The following GLIS3 variants were observed in gnomAD, a reference collection of about 807,000 sequenced individuals.
GLIS3 encodes zinc finger protein GLIS3.
In GLIS3, 53 loss-of-function variants were observed where a neutral mutation model predicts 78.6. The observed-to-expected ratio is 0.67, with a 90% CI of 0.54 to 0.85. The LOEUF is 0.85. Among genes scored for constraint, GLIS3 ranks in the 40% least tolerant of loss-of-function variants. The pLI is 0.00. For synonymous variants in GLIS3, 684 were observed against 509.9 expected (o/e 1.34, Z -4.60); for missense variants, 1,703 against 1,231.1 (o/e 1.38, Z -5.74).
At chr9:4,334,921 TTTTTTG>T (rs1483359407) in intron 2 of GLIS3, among the ~76,000 whole-genome samples, 6 of 148,980 alleles carry the variant, frequency 4.0e-5, no homozygotes, top group Admixed American at 6.7e-5. Flanking sequence ...TTTTTTTTTT[TTTTTTG>T]AAACGGAGTC....
the GLIS3 span, among the ~76,000 whole-genome samples, chr9:4,480,938 C>T: frequency 2.4e-4 from 37 of 151,710 alleles, no homozygotes; most frequent in Non-Finnish European, 2.8e-4. Context: ...ACTGGAGGTC[C>T]GGACCTCGGG....
In GLIS3 at chr9:3,942,670, C is replaced by A. The variant is rs1272642184; in HGVS notation, c.1711-5481G>T. ...GAAGCTTCTTTCTAGAGCAGGCTTC[C>A]CAGCTTCACCTAGGAGACTCGTTAA... On this transcript the variant is annotated intron_variant, in intron 4 of 10. Transcript: ENST00000381971. Among the ~76,000 whole-genome samples the A allele has an allele frequency of 2.6e-5, 4 of 152,194 alleles. No individual in the cohort carries two copies. In the East Asian group the frequency reaches 7.7e-4, roughly 29 times the overall value.
chr9:4,085,370 A>G (rs1457957785), intron 4 of GLIS3, among the ~76,000 whole-genome samples: 1 of 151,702 alleles, frequency 6.6e-6, no homozygotes, highest in Non-Finnish European at 1.5e-5. Context: ...TTCTCTCCAG[A>G]TTGCTGGTGT....
At chr9:4,313,799 C>T (rs1038788219) in intron 2 of GLIS3, among the ~76,000 whole-genome samples, 1 of 152,208 alleles carries the variant, frequency 6.6e-6, no homozygotes, top group Non-Finnish European at 1.5e-5. Flanking sequence ...CGTGGACTTC[C>T]TCTCCCTTGC....
chr9:4,102,390 T>C (rs895953699), intron 4 of GLIS3, among the ~76,000 whole-genome samples: 3 of 152,186 alleles, frequency 2.0e-5, no homozygotes, highest in Non-Finnish European at 4.4e-5. Context: ...AATCTCAGAA[T>C]AACGGCCCTG....
At chr9:4,468,246 C>A in the GLIS3 span, among the ~76,000 whole-genome samples, 1 of 152,180 alleles carries the variant, frequency 6.6e-6, no homozygotes, top group South Asian at 2.1e-4. Context: ...CCCAACCTAG[C>A]AAGGCTGACC....
intron 8 of GLIS3, among the ~76,000 whole-genome samples, chr9:3,859,382 CACACACACACACACACACAT>C (rs1588102505): frequency 9.8e-5 from 3 of 30,516 alleles, no homozygotes; most frequent in Middle Eastern, 0.016. Flanking sequence ...CACACACACA[CACACACACACACACACACAT>C]CAAAATGAAT....
chr9:3,904,221 G>A (rs1412137825), intron 6 of GLIS3, among the ~76,000 whole-genome samples: 2 of 152,060 alleles, frequency 1.3e-5, no homozygotes, highest in East Asian at 3.8e-4. Flanking sequence ...CTCTTGATGG[G>A]CTTAACATCT....
At chr9:4,297,971 C>A (rs534744082) in intron 1 of GLIS3, among the ~76,000 whole-genome samples, 275 of 152,262 alleles carry the variant, frequency 1.8e-3, no homozygotes, top group African/African-American at 6.2e-3. Flanking sequence ...GCGACAGCGC[C>A]CGGCGGGGTA....
chr9:4,255,345 G>GT (rs1199352701), intron 2 of GLIS3, among the ~76,000 whole-genome samples: 1 of 152,168 alleles, frequency 6.6e-6, no homozygotes, highest in Admixed American at 6.6e-5. Context: ...ATATGTCCCA[G>GT]TGACTGTGCT....
chr9:4,052,880 C>A (rs1825838968), intron 4 of GLIS3, among the ~76,000 whole-genome samples: 1 of 152,140 alleles, frequency 6.6e-6, no homozygotes, highest in Non-Finnish European at 1.5e-5. Flanking sequence ...TTCTGTTTAA[C>A]CTATGGAGGA....
chr9:4,259,367 G>A (rs889337118), intron 2 of GLIS3, among the ~76,000 whole-genome samples: 3 of 151,934 alleles, frequency 2.0e-5, no homozygotes, highest in Non-Finnish European at 4.4e-5. Flanking sequence ...TTACATATGG[G>A]GGATTGAAAA....
chr9:4,486,250 C>A, the GLIS3 span, among the ~76,000 whole-genome samples: 17 of 152,258 alleles, frequency 1.1e-4, no homozygotes, highest in South Asian at 8.3e-4. Flanking sequence ...TCTGACTTCC[C>A]CTGCCACCGT....
chr9:4,363,261 A>G, the GLIS3 span, among the ~76,000 whole-genome samples: 1 of 152,138 alleles, frequency 6.6e-6, no homozygotes, highest in African/African-American at 2.4e-5. Context: ...CGTCTCTACT[A>G]AAAATACAAA....
chr9:3,952,937 T>A (rs1816800900), intron 4 of GLIS3, among the ~76,000 whole-genome samples: 2 of 152,180 alleles, frequency 1.3e-5, no homozygotes, highest in Non-Finnish European at 2.9e-5. Context: ...CCAGCCCAGC[T>A]TTTCCCTTAT....
At chr9:3,850,696 A>T (rs1819372785) in intron 9 of GLIS3, among the ~76,000 whole-genome samples, 1 of 151,770 alleles carries the variant, frequency 6.6e-6, no homozygotes, top group Non-Finnish European at 1.5e-5. Context: ...ATGGCACAAA[A>T]CCCTTCGTGA....
chr9:3,839,446 C>G (rs1818580804), intron 9 of GLIS3, among the ~76,000 whole-genome samples: 1 of 152,102 alleles, frequency 6.6e-6, no homozygotes, highest in Non-Finnish European at 1.5e-5. Flanking sequence ...ACCAACCACT[C>G]AGAATTCTGT....
intron 4 of GLIS3, among the ~76,000 whole-genome samples, chr9:4,080,374 T>C (rs1161555361): frequency 6.6e-6 from 1 of 151,900 alleles, no homozygotes; most frequent in African/African-American, 2.4e-5. Context: ...CTCCAAAAAC[T>C]CAGTAATCAG....
At chr9:4,181,394 G>T (rs1296807863) in intron 2 of GLIS3, among the ~76,000 whole-genome samples, 1 of 152,146 alleles carries the variant, frequency 6.6e-6, no homozygotes, top group African/African-American at 2.4e-5. Context: ...TTCCCTGCTG[G>T]TAACAGCCAG....
Sources: gnomAD v4.1 joint callset for allele counts (sites outside exome capture counted in the v4.1 genomes callset) on GRCh38, gnomAD v4.1.1 for gene constraint, MANE v1.5 for transcripts, NCBI Gene and HGNC (gene_info 2026-07-23, HGNC 2026-07-21) for gene names.